Variants in PHIP observed in about 807,000 individuals in gnomAD.
PHIP encodes the protein PHIP subunit of CUL4-Ring ligase complex, also known as PH-interacting protein.
PHIP carries 54 observed loss-of-function variants against 236.8 expected under a neutral mutation model. The ratio of observed to expected loss-of-function variants is 0.23; its 90% CI spans 0.18 to 0.29. PHIP has a LOEUF of 0.29. Among genes scored for constraint, PHIP ranks in the 10% least tolerant of loss-of-function variants. PHIP has a pLI of 1.00. For missense variants in PHIP, 1,370 were observed against 2,190.8 expected (o/e 0.63, Z 7.48); for synonymous variants, 756 against 718.9 (o/e 1.05, Z -0.83).
intron 15 of PHIP, 81 bp downstream of exon 15, chr6:79,015,001 T>G: frequency 8.8e-7 from 1 of 1,133,374 alleles, no homozygotes. Context: ...TTAAATGGAT[T>G]TCCTTTGTGA....
chr6:79,016,968 T>C (rs1160887287), intron 12 of PHIP, among the ~76,000 whole-genome samples: 1 of 152,020 alleles, frequency 6.6e-6, no homozygotes, highest in Non-Finnish European at 1.5e-5. Flanking sequence ...GTATTAGAAG[T>C]AGCTTTATTT....
intron 15 of PHIP, among the ~76,000 whole-genome samples, chr6:79,010,561 T>C (rs559018887): frequency 6.6e-6 from 1 of 151,932 alleles, no homozygotes; most frequent in Non-Finnish European, 1.5e-5. Context: ...AGACATACTA[T>C]ACTCTTTGAT....
chr6:78,954,605 T>A (rs781216807), intron 35 of PHIP, among the ~76,000 whole-genome samples: 3 of 152,166 alleles, frequency 2.0e-5, no homozygotes, highest in South Asian at 2.1e-4. Context: ...AATAACCCAA[T>A]TCTTACAGTG....
At chr6:79,040,647 A>G (rs1772162309) in intron 7 of PHIP, among the ~76,000 whole-genome samples, 1 of 152,078 alleles carries the variant, frequency 6.6e-6, no homozygotes, top group African/African-American at 2.4e-5. Context: ...TGCAAAAAAC[A>G]CTCAGCACCC....
chr6:78,957,932 T>C (rs1400488473), intron 32 of PHIP: 1 of 152,046 alleles, frequency 6.6e-6, no homozygotes, highest in Non-Finnish European at 1.5e-5. Context: ...AGTCTCCTGC[T>C]GGACTATTTA....
intron 24 of PHIP, among the ~76,000 whole-genome samples, chr6:78,971,703 T>A (rs568517110): frequency 6.6e-6 from 1 of 152,228 alleles, no homozygotes; most frequent in African/African-American, 2.4e-5. Flanking sequence ...GGGTGAGGCA[T>A]TGCCTCACTC....
intron 17 of PHIP, among the ~76,000 whole-genome samples, chr6:79,000,947 T>A (rs145696659): frequency 2.0e-5 from 3 of 152,160 alleles, no homozygotes; most frequent in African/African-American, 7.2e-5. Flanking sequence ...ATCCAGTATG[T>A]CCATCTTTAT....
chr6:78,954,401 C>T (rs9443631), intron 35 of PHIP, among the ~76,000 whole-genome samples: 14,303 of 152,152 alleles, frequency 0.094, 778 homozygotes, highest in Middle Eastern at 0.14. Flanking sequence ...CCACCGTGCC[C>T]AGCCTAAAAA....
At chr6:78,968,089 C>A (rs941882558) in intron 27 of PHIP, among the ~76,000 whole-genome samples, 2 of 152,062 alleles carry the variant, frequency 1.3e-5, no homozygotes, top group African/African-American at 4.8e-5. Flanking sequence ...GAGCCAAGAT[C>A]ACGGCACTGC....
intron 10 of PHIP, among the ~76,000 whole-genome samples, chr6:79,017,846 AC>A (rs1322660113): frequency 1.3e-5 from 2 of 151,956 alleles, no homozygotes; most frequent in Non-Finnish European, 2.9e-5. Flanking sequence ...TGAATATATA[AC>A]CATACCATGT....
At chr6:79,034,889 T>A (rs1321739808) in intron 7 of PHIP, among the ~76,000 whole-genome samples, 2 of 152,190 alleles carry the variant, frequency 1.3e-5, no homozygotes, top group Non-Finnish European at 2.9e-5. Context: ...TAACACTGAA[T>A]GACTAATATT....
In PHIP at chr6:79,016,618, C is replaced by G. The variant is rs768370686; in HGVS notation, c.1161G>C (p.Gly387=). 2 of 1,609,864 alleles carry G rather than the reference C, an allele frequency of 1.2e-6. No individual in the cohort carries two copies. The highest frequency in any genetic ancestry group is 2.2e-5 in the East Asian group (1 of 44,806). ...SNRFVSGSRD[G]TARIWQFKRR... ...GTTTAAATTGCCAAATACGTGCTGT[C>G]CCATCACGACTGCCACTTACAAACC... Residue 387 remains glycine, a synonymous_variant, in exon 13 of 40, where the codon GGG becomes GGC. Coordinates refer to ENST00000275034, the MANE Select transcript of PHIP (RefSeq NM_017934.7).
At chr6:78,986,887 A>T (rs1456968336) in intron 21 of PHIP, among the ~76,000 whole-genome samples, 1 of 152,194 alleles carries the variant, frequency 6.6e-6, no homozygotes, top group East Asian at 1.9e-4. Context: ...AAATCTAAGC[A>T]AGTGATATGA....
intron 19 of PHIP, among the ~76,000 whole-genome samples, chr6:78,992,967 G>A (rs140956858): frequency 3.3e-4 from 50 of 152,316 alleles, no homozygotes; most frequent in Non-Finnish European, 5.9e-4. Flanking sequence ...CAACAACCAC[G>A]TTTTCAATGA....
intron 23 of PHIP, among the ~76,000 whole-genome samples, chr6:78,982,254 A>T (rs555075929): frequency 6.6e-6 from 1 of 152,126 alleles, no homozygotes; most frequent in African/African-American, 2.4e-5. Context: ...ACTCCATAAG[A>T]GCTGACAGAT....
chr6:79,056,319 G>A (rs1773069459), intron 6 of PHIP, among the ~76,000 whole-genome samples: 1 of 152,142 alleles, frequency 6.6e-6, no homozygotes, highest in African/African-American at 2.4e-5. Flanking sequence ...ACAAAAGGAT[G>A]AAAACCAACA....
intron 22 of PHIP, among the ~76,000 whole-genome samples, chr6:78,984,197 T>A (rs1376412650): frequency 6.6e-6 from 1 of 152,224 alleles, no homozygotes; most frequent in Non-Finnish European, 1.5e-5. Flanking sequence ...TCTCTGATTA[T>A]CCTAATCATC....
At chr6:79,058,170 G>T (rs971427604) in intron 6 of PHIP, among the ~76,000 whole-genome samples, 1 of 152,008 alleles carries the variant, frequency 6.6e-6, no homozygotes, top group African/African-American at 2.4e-5. Flanking sequence ...CTTTCAGAAA[G>T]GTACATCAAT....
intron 21 of PHIP, among the ~76,000 whole-genome samples, chr6:78,986,969 T>C (rs1768907943): frequency 6.6e-6 from 1 of 152,018 alleles, no homozygotes; most frequent in African/African-American, 2.4e-5. Flanking sequence ...ACATTCCAAA[T>C]ACAAAATACT....
Sources: gnomAD v4.1 joint callset for allele counts (sites outside exome capture counted in the v4.1 genomes callset) on GRCh38, gnomAD v4.1.1 for gene constraint, MANE v1.5 for transcripts, NCBI Gene and HGNC (gene_info 2026-07-23, HGNC 2026-07-21) for gene names.